The following ERI2 variants were observed in gnomAD, a reference collection of about 807,000 sequenced individuals.
ERI2 encodes ERI1 exoribonuclease family member 2, also known as ERI1 exoribonuclease 2.
Under a neutral mutation model 46.8 loss-of-function variants are expected in ERI2, and 35 were observed. That is an observed-to-expected ratio of 0.75 (90% CI 0.57 to 0.99). The LOEUF is 0.99. ERI2 is among the 50% of genes least tolerant of loss of function. ERI2 has a pLI of 0.00. For missense variants in ERI2, 695 were observed against 796.2 expected (o/e 0.87, Z 1.53); for synonymous variants, 224 against 271.0 (o/e 0.83, Z 1.70).
Position 20,790,921 on chromosome 16 carries a change from G to A in ERI2, c.744C>T (p.Leu248=), listed in dbSNP as rs1040301253. 1.2e-6 allele frequency: 2 copies of A among 1,614,018 alleles called. No homozygotes were observed. Among genetic ancestry groups the A allele is most frequent in the Admixed American group, 1.7e-5 (1 of 60,002 alleles). The change falls in exon 9 of 11, where the codon CTC becomes CTT. Residue 248 remains leucine, a synonymous_variant. Coordinates refer to the ERI2 transcript ENST00000300005. This position sits in a 1 kb window ranked among gnomAD's most constrained non-coding sequence, Gnocchi z 4.0. ...CACTGTTCCAGGTCCACGAAGGCAA[G>A]AGGAAGGGACCCTAGAAAGAGGACA... is the stretch of plus-strand genomic sequence containing the variant.
At chr16:20,782,036 G>A (rs2080364130) in intron 10 of ERI2, among the ~76,000 whole-genome samples, 1 of 152,150 alleles carries the variant, frequency 6.6e-6, no homozygotes, top group Admixed American at 6.5e-5. Context: ...CAGTGGTTAT[G>A]GGTAAGAAGA....
chr16:20,784,991 T>C, intron 10 of ERI2: 1 of 1,612,144 alleles, frequency 6.2e-7, no homozygotes, highest in African/African-American at 1.3e-5. Context: ...AAGCTATAAG[T>C]TTAAAAGCTT....
chr16:20,804,657 C>T (rs2080833762), intron 1 of ERI2, among the ~76,000 whole-genome samples: 1 of 151,804 alleles, frequency 6.6e-6, no homozygotes, highest in African/African-American at 2.4e-5. Context: ...CAGAGCGAGA[C>T]CCTGTCTCAA....
chr16:20,798,930 A>G lies in ERI2; in HGVS notation c.870T>C (p.His290=), dbSNP rs1413778378. ...NKEPKNIINP[H]EKVQMKSICA... ...AAATTGACTTCATTTGAACTTTTTC[A>G]TGAGGATTTATTATATTTTTAGGCT... The change falls in exon 9 of 9, where the codon CAT becomes CAC. Residue 290 remains histidine (H), a synonymous_variant. Coordinates refer to ENST00000357967, the MANE Select transcript of ERI2 (RefSeq NM_001142725.2). The G allele has an allele frequency of 6.4e-7, 1 of 1,551,074 alleles. No homozygotes were observed. The highest frequency in any genetic ancestry group is 1.4e-5 in the African/African-American group (1 of 73,000).
chr16:20,805,264 A>G (rs1237591600), intron 1 of ERI2, among the ~76,000 whole-genome samples: 1 of 152,084 alleles, frequency 6.6e-6, no homozygotes, highest in East Asian at 1.9e-4. Flanking sequence ...CATTTCTACT[A>G]AAAATACAAA....
chr16:20,799,028 A>G lies in ERI2; in HGVS notation c.772T>C (p.Leu258=). ...KKNFSILARN[L]NTIQVEEMSA... ...ATTTCTTCAACTTGAATTGTATTCA[A>G]ATTTCTGGCCAGAATGCTGAAATTC... is the stretch of plus-strand genomic sequence containing the variant. The change falls in exon 9 of 9, where the codon TTG becomes CTG. Residue 258 remains leucine, a synonymous_variant. Transcript: ENST00000357967. 1.3e-6 allele frequency: 2 copies of G among 1,523,984 alleles called. No individual in the cohort carries two copies. The highest frequency in any genetic ancestry group is 1.8e-6 in the Non-Finnish European group (2 of 1,138,796). The allele number at this position is 1,523,984 out of a possible 1,614,324, so 94.4% of individuals were successfully genotyped here. A position where few individuals can be genotyped will look rare whatever the true frequency, so the allele number is the denominator to read the frequency against.
chr16:20,792,345 C>T, downstream of ERI2: 1 of 1,613,592 alleles, frequency 6.2e-7, no homozygotes, highest in Non-Finnish European at 8.5e-7. Context: ...GGTAAAAGAA[C>T]TGATTCATGT....
rs1174089632 is a variant in ERI2 at position 20,798,863 on chromosome 16, C to A, written c.937G>T (p.Val313Leu). The part of the protein sequence containing the change: ...PIKAQQDQLQ[V>L]KNNIKASLHN... ...AGACTTGCTTTTATATTGTTTTTTA[C>A]TTGTAATTGATCCTGTTGTGCCTTT... Residue 313 changes from valine to leucine, a missense_variant, in exon 9 of 9, where the codon GTA becomes TTA. By Grantham distance (32) the Val-to-Leu change is conservative. Coordinates refer to ENST00000357967, the MANE Select transcript of ERI2 (RefSeq NM_001142725.2). 4 of 1,550,580 alleles carry A rather than the reference C, an allele frequency of 2.6e-6. No homozygotes were observed. The highest frequency in any genetic ancestry group is 1.2e-5 in the South Asian group (1 of 83,772).
rs757021642 is a variant in ERI2, at chr16:20,796,453, TAAAAA to T, written c.*1266_*1270del. ...TAATAAAGGAGATTCAGGAGCATGT[TAAAAA>T]AACTACAGCACCTTACAAATATCCC... is the stretch of plus-strand genomic sequence containing the variant. On this transcript the variant is annotated 3_prime_UTR_variant, in exon 9 of 9. Transcript: ENST00000357967. The T allele has an allele frequency of 6.2e-7, 1 of 1,613,744 alleles. No individual in the cohort carries two copies. Among genetic ancestry groups the T allele is most frequent in the South Asian group, 1.1e-5 (1 of 91,036 alleles).
In ERI2 at chr16:20,796,587, C is replaced by T. The variant is rs944941535; in HGVS notation, c.*1137G>A. 3.2e-6 allele frequency: 5 copies of T among 1,569,030 alleles called. No individual in the cohort carries two copies. The South Asian group carries it at 3.5e-5, about 11-fold the overall frequency. The stretch of plus-strand genomic sequence containing the variant: ...ATGAATATTTTCTTCACACATGCTG[C>T]ACCACATGTCCCAAACTGAACTGAT... On this transcript the variant is annotated 3_prime_UTR_variant, in exon 9 of 9. Transcript: ENST00000357967.
downstream of ERI2, chr16:20,796,171 C>T (rs752108581): frequency 2.7e-5 from 23 of 849,990 alleles, no homozygotes; most frequent in Non-Finnish European, 3.9e-5. Context: ...TGGGTTGTTA[C>T]AGGGGTCCCA....
intron 10 of ERI2, chr16:20,784,919 A>G: frequency 6.5e-7 from 1 of 1,533,768 alleles, no homozygotes; most frequent in South Asian, 1.2e-5. Context: ...CATAAGAAAT[A>G]ATCCTTAATC....
rs748855514 is a variant in ERI2, at chr16:20,796,539, C to G, written c.*1185G>C. 6.3e-7 allele frequency: 1 copy of G among 1,596,526 alleles called. No individual in the cohort carries two copies. Among genetic ancestry groups the G allele is most frequent in the African/African-American group, 1.4e-5 (1 of 73,622 alleles). On this transcript the variant is annotated 3_prime_UTR_variant, in exon 9 of 9. Coordinates refer to ENST00000357967, the MANE Select transcript of ERI2 (RefSeq NM_001142725.2). ...ATTTGCTCAGTGTTGTGGACAATTT[C>G]AAGTGTTTATTTTTACATTTTAATG...
At chr16:20,800,157 G>T in intron 6 of ERI2, 119 bp from the exon 7 acceptor site, 1 of 878,026 alleles carries the variant, frequency 1.1e-6, no homozygotes. Context: ...TTTGTGTGTT[G>T]TTTTTAAATA....
intron 1 of ERI2, chr16:20,805,849 G>T: frequency 1.9e-6 from 1 of 523,746 alleles, no homozygotes; most frequent in South Asian, 8.0e-5. Flanking sequence ...AAAGGAAACC[G>T]GACACAGCAG....
chr16:20,799,045 C>G lies in ERI2; in HGVS notation c.755G>C (p.Ser252Thr). Residue 252 changes from serine to threonine, a missense_variant, in exon 9 of 9, where the codon AGC becomes ACC. By Grantham distance (58) the Ser-to-Thr change is moderately conservative. Coordinates refer to ENST00000357967, the MANE Select transcript of ERI2 (RefSeq NM_001142725.2). ...LNKVPTKKNF[S>T]ILARNLNTIQ... Reference sequence around the variant, plus strand: ...TGTATTCAAATTTCTGGCCAGAATGCTGAAATTCTTCTTAGTGGGAACCTA... The same window carrying G: ...TGTATTCAAATTTCTGGCCAGAATGGTGAAATTCTTCTTAGTGGGAACCTA... The G allele has an allele frequency of 6.6e-7, 1 of 1,513,088 alleles. No homozygotes were observed. Among genetic ancestry groups the G allele is most frequent in the South Asian group, 1.3e-5 (1 of 76,246 alleles). The allele number at this position is 1,513,088 out of a possible 1,614,324, so 93.7% of individuals were successfully genotyped here. A position where few individuals can be genotyped will look rare whatever the true frequency, so the allele number is the denominator to read the frequency against.
At position 20,798,823 on chromosome 16, in the gene ERI2, C is replaced by A; in HGVS notation, c.977G>T (p.Ser326Ile). 6.4e-7 allele frequency: 1 copy of A among 1,551,472 alleles called. No homozygotes were observed. The highest frequency in any genetic ancestry group is 8.7e-7 in the Non-Finnish European group (1 of 1,146,878). ...CTTAGTATTAAAAAGAGGTAAGGAACTTTTGACATTGTGAAGACTTGCTTT... is the reference window on the plus strand; with the variant it reads ...CTTAGTATTAAAAAGAGGTAAGGAAATTTTGACATTGTGAAGACTTGCTTT... ...NIKASLHNVK[S>I]SLPLFNTKSS... The change falls in exon 9 of 9, where the codon AGT becomes ATT. Residue 326 changes from serine to isoleucine, a missense_variant. Physicochemically the swap from Ser to Ile is moderately radical, Grantham distance 142. Transcript: ENST00000357967.
intron 1 of ERI2, chr16:20,806,162 G>T (rs960639562): frequency 7.2e-7 from 1 of 1,391,758 alleles, no homozygotes; most frequent in African/African-American, 1.5e-5. Flanking sequence ...AGGCCACACA[G>T]TCAAGGCCCC....
chr16:20,789,427 G>A (rs2080544133), intron 10 of ERI2: 16 of 1,307,212 alleles, frequency 1.2e-5, no homozygotes, highest in Non-Finnish European at 1.7e-5. Context: ...ACACTTCAGG[G>A]AATGATGAGG....
Sources: gnomAD v4.1 joint callset for allele counts (sites outside exome capture counted in the v4.1 genomes callset) on GRCh38, gnomAD v4.1.1 for gene constraint, Gnocchi (gnomAD v3.1) non-coding constraint, MANE v1.5 for transcripts, NCBI Gene and HGNC (gene_info 2026-07-23, HGNC 2026-07-21) for gene names.